The following OR2M4 variants were observed in gnomAD, a reference collection of about 807,000 sequenced individuals.
OR2M4 encodes the protein olfactory receptor family 2 subfamily M member 4, also known as olfactory receptor 2M4.
In OR2M4, 8 loss-of-function variants were observed where a neutral mutation model predicts 13.7. That is an observed-to-expected ratio of 0.58 (90% confidence interval 0.34 to 1.05). The LOEUF (loss-of-function observed/expected upper bound fraction) is 1.05. OR2M4 is among the 50% of genes least tolerant of loss of function. OR2M4 has a pLI of 0.02. For missense variants in OR2M4, 374 were observed against 381.6 expected (o/e 0.98, Z 0.17); for synonymous variants, 152 against 141.3 (o/e 1.08, Z -0.53).
At position 248,239,387 on chromosome 1, in the gene OR2M4, T is replaced by C. The variant is rs1572807138; in HGVS notation, c.459T>C (p.Ser153=). The change falls in exon 2 of 2, where the codon TCT becomes TCC. Residue 153 remains serine, a synonymous_variant. Transcript: ENST00000641868. ...FMTVASWTLG[S]LDGIIVLAAV... ...CTGTTGCTTCCTGGACCTTGGGGTC[T>C]CTTGATGGGATCATAGTGCTTGCAG... 1 of 1,614,140 alleles carries C rather than the reference T, an allele frequency of 6.2e-7. No individual in the cohort carries two copies. The highest frequency in any genetic ancestry group is 2.2e-5 in the East Asian group (1 of 44,878).
In OR2M4 at chr1:248,241,764, C is replaced by A. The variant is rs1440993136; in HGVS notation, c.*1900C>A. Reference sequence around the variant, plus strand: ...AATCAGCCGGGCGTGGTGGCCCATGCCTGTAATCCCAGCTACTCGTGGGGC... The same window carrying A: ...AATCAGCCGGGCGTGGTGGCCCATGACTGTAATCCCAGCTACTCGTGGGGC... On this transcript the variant is annotated 3_prime_UTR_variant, in exon 2 of 2. Coordinates refer to ENST00000641868, the MANE Select transcript of OR2M4 (RefSeq NM_017504.2). 1 of 152,106 alleles carries A rather than the reference C, an allele frequency of 6.6e-6. No individual in the cohort carries two copies. Among genetic ancestry groups the A allele is most frequent in the African/African-American group, 2.4e-5 (1 of 41,404 alleles). 9.4% of individuals were successfully genotyped at this position (152,106 alleles called of 1,614,324 possible).
chr1:248,239,067 C>G lies in OR2M4; in HGVS notation c.139C>G (p.Leu47Val). The part of the protein sequence containing the change: ...LALMENISMV[L>V]LIYIEKQLHT... The stretch of plus-strand genomic sequence containing the variant: ...ATTGATGGAAAATATTTCCATGGTT[C>G]TCCTCATCTACATAGAGAAACAGCT... The change falls in exon 2 of 2, where the codon CTC becomes GTC. Residue 47 changes from leucine (L) to valine (V), a missense_variant. Transcript: ENST00000641868. 1 of 1,614,000 alleles carries G rather than the reference C, an allele frequency of 6.2e-7. No homozygotes were observed. The highest frequency in any genetic ancestry group is 1.1e-5 in the South Asian group (1 of 91,070).
rs762243470 is a variant in OR2M4 at position 248,239,325 on chromosome 1, A to G, written c.397A>G (p.Thr133Ala). The G allele has an allele frequency of 1.1e-5, 17 of 1,613,980 alleles. No individual in the cohort carries two copies. Among genetic ancestry groups the G allele is most frequent in the Admixed American group, 8.3e-5 (5 of 60,002 alleles). Residue 133 changes from threonine to alanine, a missense_variant, in exon 2 of 2, where the codon ACC (threonine) becomes GCC (alanine). Transcript: ENST00000641868. ...YVAICHPLQY[T>A]ILMNPKLCVF... ...GGCTATATGTCACCCTCTTCAGTAC[A>G]CCATCCTCATGAATCCGAAACTCTG...
intron 1 of OR2M4, among the ~76,000 whole-genome samples, chr1:248,237,655 C>A (rs977757499): frequency 2.6e-5 from 4 of 151,932 alleles, no homozygotes; most frequent in African/African-American, 2.4e-5. Context: ...CTGTCCCCCC[C>A]AAAAACAAAA....
At chr1:248,238,659 T>A (rs530416793) in intron 1 of OR2M4, among the ~76,000 whole-genome samples, 1 of 152,204 alleles carries the variant, frequency 6.6e-6, no homozygotes, top group African/African-American at 2.4e-5. Flanking sequence ...GAAGCTCTTA[T>A]ACACTTCAGC....
chr1:248,239,618 T>C lies in OR2M4; in HGVS notation c.690T>C (p.Ser230=), dbSNP rs1666595948. 6.2e-7 allele frequency: 1 copy of C among 1,614,116 alleles called. No homozygotes were observed. Among genetic ancestry groups the C allele is most frequent in the Non-Finnish European group, 8.5e-7 (1 of 1,180,016 alleles). ...HVLRAVIHMG[S]GESRRKAFTT... is the part of the protein sequence containing the mutation. ...TTCGAGCCGTCATCCACATGGGCTC[T>C]GGGGAAAGTCGTCGCAAGGCCTTCA... The change falls in exon 2 of 2, where the codon TCT becomes TCC. Residue 230 remains serine (S), a synonymous_variant. Transcript: ENST00000641868.
chr1:248,244,487 T>A lies in OR2M4; in HGVS notation c.*4623T>A, dbSNP rs1481323401. Reference sequence around the variant, plus strand: ...CTCACTTATACATAGGAGCTAAACTTTGGGTACTCAAGGATGTAAAGATGG... The same window carrying A: ...CTCACTTATACATAGGAGCTAAACTATGGGTACTCAAGGATGTAAAGATGG... On this transcript the variant is annotated 3_prime_UTR_variant, in exon 2 of 2. Transcript: ENST00000641868. 1 of 152,082 alleles carries A rather than the reference T, an allele frequency of 6.6e-6. No homozygotes were observed. The highest frequency in any genetic ancestry group is 2.4e-5 in the African/African-American group (1 of 41,398). The allele number at this position is 152,082 out of a possible 1,614,324, so 9.4% of individuals were successfully genotyped here.
rs1666608962 is a variant in OR2M4, at chr1:248,240,577, G to A, written c.*713G>A. 1 of 152,178 alleles carries A rather than the reference G, an allele frequency of 6.6e-6. No individual in the cohort carries two copies. Among genetic ancestry groups the A allele is most frequent in the Non-Finnish European group, 1.5e-5 (1 of 68,040 alleles). The allele number at this position is 152,178 out of a possible 1,614,324, so 9.4% of individuals were successfully genotyped here. On this transcript the variant is annotated 3_prime_UTR_variant, in exon 2 of 2. Transcript: ENST00000641868. ...TTAACCATCAGAATCTGAAGGCAGA[G>A]CAAGATGATGGAATAGAAGGCTCCA...
At chr1:248,237,284 C>G (rs181290945) in intron 1 of OR2M4, among the ~76,000 whole-genome samples, 51 of 152,210 alleles carry the variant, frequency 3.4e-4, no homozygotes, top group Admixed American at 7.9e-4. Context: ...CATAAACAAC[C>G]AATGACAACA....
intron 1 of OR2M4, 111 bp from the exon 2 acceptor site, chr1:248,238,799 G>T (rs1439766203): frequency 4.8e-6 from 3 of 624,800 alleles, no homozygotes; most frequent in Non-Finnish European, 5.6e-6. Flanking sequence ...GTAACTGAAG[G>T]TTGGTGAGAA....
At chr1:248,233,719 C>A (rs956929682) in intron 1 of OR2M4, among the ~76,000 whole-genome samples, 16 of 151,692 alleles carry the variant, frequency 1.1e-4, no homozygotes, top group Middle Eastern at 3.4e-3. Flanking sequence ...TCTGGAAATT[C>A]AAAAAAAATT....
In OR2M4 at chr1:248,241,485, A is replaced by G. The variant is rs1666618806; in HGVS notation, c.*1621A>G. On this transcript the variant is annotated 3_prime_UTR_variant, in exon 2 of 2. Transcript: ENST00000641868. Reference sequence around the variant, plus strand: ...AGTAATATTCATAATTATTATTTAGATTGACATGCTTATTTTTAAGTATAG... The same window carrying G: ...AGTAATATTCATAATTATTATTTAGGTTGACATGCTTATTTTTAAGTATAG... The G allele has an allele frequency of 6.6e-6, 1 of 152,178 alleles. No homozygotes were observed. Among genetic ancestry groups the G allele is most frequent in the African/African-American group, 2.4e-5 (1 of 41,428 alleles). 9.4% of individuals were successfully genotyped at this position (152,178 alleles called of 1,614,324 possible).
At chr1:248,237,417 G>A (rs1666569369) in intron 1 of OR2M4, among the ~76,000 whole-genome samples, 1 of 152,132 alleles carries the variant, frequency 6.6e-6, no homozygotes, top group South Asian at 2.1e-4. Context: ...ACTTTGGGAG[G>A]CTGAGGTGGG....
Position 248,242,643 on chromosome 1 carries a change from T to A in OR2M4, c.*2779T>A, listed in dbSNP as rs146259342. On this transcript the variant is annotated 3_prime_UTR_variant, in exon 2 of 2. Transcript: ENST00000641868. The stretch of plus-strand genomic sequence containing the variant: ...TATATAGCAAGCATTTCAATAGTCA[T>A]GATAACAAATAGAAGTGTGATTTAC... 5 of 152,278 alleles carry A rather than the reference T, an allele frequency of 3.3e-5. No homozygotes were observed. In the East Asian group the frequency reaches 9.6e-4, roughly 29 times the overall value. The allele number at this position is 152,278 out of a possible 1,614,324, so 9.4% of individuals were successfully genotyped here. A position where few individuals can be genotyped will look rare whatever the true frequency, so the allele number is the denominator to read the frequency against.
intron 1 of OR2M4, among the ~76,000 whole-genome samples, chr1:248,233,474 G>A (rs970796630): frequency 2.0e-5 from 3 of 152,018 alleles, no homozygotes; most frequent in African/African-American, 7.2e-5. Flanking sequence ...TAATTTCATT[G>A]AATTCCACAG....
At chr1:248,236,933 AC>A (rs1666562901) in intron 1 of OR2M4, among the ~76,000 whole-genome samples, 1 of 152,204 alleles carries the variant, frequency 6.6e-6, no homozygotes, top group Non-Finnish European at 1.5e-5. Context: ...TGGCCTACCA[AC>A]CAAAAAATGC....
rs1666599861 is a variant in OR2M4, at chr1:248,239,793, AT to A, written c.868del (p.Tyr290IlefsTer16). 5.0e-6 allele frequency: 8 copies of A among 1,614,066 alleles called. No homozygotes were observed. The highest frequency in any genetic ancestry group is 1.3e-5 in the African/African-American group (1 of 75,018). On this transcript the variant is annotated frameshift_variant, in exon 2 of 2. Transcript: ENST00000641868. LOFTEE classifies it high-confidence loss of function. ...TILTPMLNPL[I>X]YSLRNKEVFR... Reference sequence around the variant, plus strand: ...TCTCACCCCTATGCTGAACCCTCTCATTTATAGCCTCCGCAACAAAGAAGTG... The same window carrying A: ...TCTCACCCCTATGCTGAACCCTCTCATTATAGCCTCCGCAACAAAGAAGTG...
At chr1:248,234,478 G>A (rs938476676) in intron 1 of OR2M4, among the ~76,000 whole-genome samples, 16 of 152,052 alleles carry the variant, frequency 1.1e-4, no homozygotes, top group African/African-American at 3.9e-4. Context: ...GCCCCAGGGT[G>A]TGTTGTTCCC....
intron 1 of OR2M4, among the ~76,000 whole-genome samples, chr1:248,235,427 G>C (rs115249101): frequency 6.6e-6 from 1 of 152,136 alleles, no homozygotes; most frequent in African/African-American, 2.4e-5. Context: ...AAAGTTTGAC[G>C]TCGAGTAGTG....
Sources: gnomAD v4.1 joint callset for allele counts (sites outside exome capture counted in the v4.1 genomes callset) on GRCh38, gnomAD v4.1.1 for gene constraint, MANE v1.5 for transcripts, NCBI Gene and HGNC (gene_info 2026-07-23, HGNC 2026-07-21) for gene names.